The following AKT3 variants were observed in gnomAD, a reference collection of about 807,000 sequenced individuals.
AKT3 encodes the protein AKT serine/threonine kinase 3.
In AKT3, 15 loss-of-function variants were observed where a neutral mutation model predicts 65.3. The observed-to-expected ratio is 0.23, with a 90% CI of 0.15 to 0.35. AKT3 has a LOEUF of 0.35. Ranked by LOEUF, AKT3 falls within the 10% of genes least tolerant of loss-of-function variation. The probability of loss-of-function intolerance (pLI) is 1.00; values close to 1 mark genes in which losing one functional copy is unlikely to be tolerated. For synonymous variants in AKT3, 206 were observed against 183.8 expected, an observed-to-expected ratio of 1.12 and a Z score of -0.98; for missense variants, 243 against 576.5, an observed-to-expected ratio of 0.42 and a Z score of 5.92.
intron 5 of AKT3, among the ~76,000 whole-genome samples, chr1:243,640,388 G>C (rs1235375245): frequency 6.6e-6 from 1 of 152,160 alleles, no homozygotes; most frequent in Non-Finnish European, 1.5e-5. Context: ...CCATGAAGGG[G>C]TGGAGTCAAC....
chr1:243,836,525 A>T (rs1694898939), intron 2 of AKT3, among the ~76,000 whole-genome samples: 1 of 152,060 alleles, frequency 6.6e-6, no homozygotes, highest in African/African-American at 2.4e-5. Flanking sequence ...ATTACCAATC[A>T]TCTTGACTAG....
intron 2 of AKT3, among the ~76,000 whole-genome samples, chr1:243,804,350 A>T (rs1364095136): frequency 6.6e-6 from 1 of 152,230 alleles, no homozygotes; most frequent in African/African-American, 2.4e-5. Context: ...AACTAGTAAT[A>T]CATTTAGTGT....
intron 2 of AKT3, among the ~76,000 whole-genome samples, chr1:243,730,904 G>T (rs866875876): frequency 6.6e-6 from 1 of 152,238 alleles, no homozygotes; most frequent in Non-Finnish European, 1.5e-5. Flanking sequence ...ACCCAGAGCT[G>T]CCTGCCCCAC....
rs1417033743 is a variant in AKT3, at chr1:243,501,561, CACT to C, written c.*3685_*3687del. ...CCGTTCATCAAAGTTTGCACAACCG[CACT>C]ACTGCCATTTCACTGAAGTAAAAAT... On this transcript the variant is annotated 3_prime_UTR_variant, in exon 14 of 14. Coordinates refer to ENST00000673466, the MANE Select transcript of AKT3 (RefSeq NM_005465.7). 4.3e-6 allele frequency: 1 copy of C among 233,106 alleles called. No individual in the cohort carries two copies. Among genetic ancestry groups the C allele is most frequent in the Non-Finnish European group, 8.5e-6 (1 of 118,030 alleles). 14.4% of individuals were successfully genotyped at this position (233,106 alleles called of 1,614,324 possible). A position where few individuals can be genotyped will look rare whatever the true frequency, so the allele number is the denominator to read the frequency against.
chr1:243,753,763 G>A (rs1411787632), intron 2 of AKT3, among the ~76,000 whole-genome samples: 1 of 152,120 alleles, frequency 6.6e-6, no homozygotes, highest in East Asian at 1.9e-4. Context: ...ACAGGTTAGG[G>A]GCTTAGGTAG....
intron 3 of AKT3, among the ~76,000 whole-genome samples, chr1:243,680,909 A>G (rs897251938): frequency 1.2e-4 from 18 of 152,198 alleles, no homozygotes; most frequent in Non-Finnish European, 2.4e-4. Flanking sequence ...GTCAAGAATG[A>G]CAAGATCTGA....
At chr1:243,629,972 C>T (rs377218021) in intron 6 of AKT3, among the ~76,000 whole-genome samples, 2 of 152,072 alleles carry the variant, frequency 1.3e-5, no homozygotes, top group South Asian at 2.1e-4. Context: ...AGAAAAAAGT[C>T]CCCCCACTCC....
chr1:243,614,106 G>C (rs1168273993), intron 7 of AKT3, among the ~76,000 whole-genome samples: 1 of 152,146 alleles, frequency 6.6e-6, no homozygotes, highest in Non-Finnish European at 1.5e-5. Flanking sequence ...AAGTTCCTTA[G>C]GAATGTAGCT....
At chr1:243,731,358 C>A (rs1256512504) in intron 2 of AKT3, among the ~76,000 whole-genome samples, 1 of 152,136 alleles carries the variant, frequency 6.6e-6, no homozygotes, top group Non-Finnish European at 1.5e-5. Flanking sequence ...TTAGAAAACA[C>A]TTGCTTTGAT....
intron 2 of AKT3, among the ~76,000 whole-genome samples, chr1:243,745,923 G>A (rs930555591): frequency 1.3e-5 from 2 of 152,124 alleles, no homozygotes; most frequent in African/African-American, 4.8e-5. Flanking sequence ...AGTACCCGTA[G>A]TATTCATCCT....
chr1:243,558,264 T>C (rs1574605286), intron 10 of AKT3, among the ~76,000 whole-genome samples: 2 of 152,212 alleles, frequency 1.3e-5, no homozygotes, highest in Middle Eastern at 6.8e-3. Flanking sequence ...GAAGTTAATA[T>C]ATATCTTTGG....
At chr1:243,675,852 T>C (rs1482994966) in intron 3 of AKT3, among the ~76,000 whole-genome samples, 1 of 152,174 alleles carries the variant, frequency 6.6e-6, no homozygotes, top group Non-Finnish European at 1.5e-5. Context: ...ACTTCCAAAG[T>C]AGAGGCTCAG....
chr1:243,762,225 A>G (rs1051416394), intron 2 of AKT3, among the ~76,000 whole-genome samples: 1 of 152,022 alleles, frequency 6.6e-6, no homozygotes, highest in African/African-American at 2.4e-5. Context: ...TTCTGTTTAG[A>G]TTGCTGATCA....
chr1:243,784,669 A>G (rs1691132615), intron 2 of AKT3, among the ~76,000 whole-genome samples: 1 of 152,038 alleles, frequency 6.6e-6, no homozygotes, highest in Admixed American at 6.5e-5. Flanking sequence ...CAGGCACCAC[A>G]ATCTCCCTCA....
At chr1:243,686,662 T>TATATATATATATATATATA in intron 3 of AKT3, among the ~76,000 whole-genome samples, 1 of 72,376 alleles carries the variant, frequency 1.4e-5, no homozygotes, top group African/African-American at 5.0e-5. Flanking sequence ...TTTTTTTTTT[T>TATATATATATATATATATA]TTTTTTTTTT....
At chr1:243,554,403 A>G (rs900326169) in intron 10 of AKT3, among the ~76,000 whole-genome samples, 1 of 152,148 alleles carries the variant, frequency 6.6e-6, no homozygotes, top group South Asian at 2.1e-4. Flanking sequence ...ACAAAAAAAC[A>G]TTTTCTGGAA....
At chr1:243,722,613 AT>A (rs1403919808) in intron 2 of AKT3, among the ~76,000 whole-genome samples, 1 of 152,202 alleles carries the variant, frequency 6.6e-6, no homozygotes, top group African/African-American at 2.4e-5. Context: ...AGAAGAACAA[AT>A]TCTAAACTAG....
At chr1:243,639,694 C>T (rs547223686) in intron 5 of AKT3, among the ~76,000 whole-genome samples, 4 of 152,266 alleles carry the variant, frequency 2.6e-5, no homozygotes, top group Admixed American at 2.6e-4. Flanking sequence ...TGCCCCTTCA[C>T]CAGAAAACTC....
At chr1:243,559,422 TAA>T (rs760310822) in intron 10 of AKT3, among the ~76,000 whole-genome samples, 2 of 152,148 alleles carry the variant, frequency 1.3e-5, no homozygotes, top group South Asian at 2.1e-4. Context: ...TCAAAAGAGA[TAA>T]GAGAACAAAT....
Sources: allele counts gnomAD v4.1 joint callset (sites outside exome capture counted in the v4.1 genomes callset), GRCh38; gene constraint gnomAD v4.1.1; transcripts MANE v1.5; gene names NCBI Gene and HGNC (gene_info 2026-07-23, HGNC 2026-07-21).